RSRC1: variants seen among roughly 807,000 people sequenced by gnomAD.
RSRC1 encodes arginine and serine rich coiled-coil 1, also known as serine/Arginine-related protein 53.
A neutral mutation model predicts 49.1 loss-of-function variants in RSRC1; 39 were observed. The ratio of observed to expected loss-of-function variants is 0.79; its 90% CI spans 0.61 to 1.04. RSRC1 has a LOEUF of 1.04. Ranked by LOEUF, RSRC1 falls within the 50% of genes least tolerant of loss-of-function variation. The pLI, the probability that RSRC1 is intolerant of heterozygous loss-of-function variation, is 0.00. For synonymous variants in RSRC1, 143 were observed against 130.8 expected (o/e 1.09, Z -0.63); for missense variants, 388 against 402.4 (o/e 0.96, Z 0.31).
At chr3:158,540,120 A>C (rs1229876256) in intron 8 of RSRC1, among the ~76,000 whole-genome samples, 10 of 152,104 alleles carry the variant, frequency 6.6e-5, no homozygotes, top group Admixed American at 6.6e-4. Flanking sequence ...CGTATTTCCC[A>C]CTTGCACTTG....
At chr3:158,275,379 C>A (rs146784408) in intron 4 of RSRC1, among the ~76,000 whole-genome samples, 1 of 152,156 alleles carries the variant, frequency 6.6e-6, no homozygotes, top group Non-Finnish European at 1.5e-5. Context: ...ATTTTTAAAG[C>A]GAAGCCCAAT....
rs1553788488 is a variant in RSRC1, at chr3:158,334,649, T to TTTTG, written c.532-20207_532-20206insTTGT. Among the ~76,000 whole-genome samples, 5 of 137,536 alleles carry TTTTG rather than the reference T, an allele frequency of 3.6e-5. No homozygotes were observed. In the East Asian group the frequency reaches 6.5e-4, roughly 18 times the overall value. 90.2% of individuals were successfully genotyped at this position (137,536 alleles called of 152,430 possible). A position where few individuals can be genotyped will look rare whatever the true frequency, so the allele number is the denominator to read the frequency against. On this transcript the variant is annotated intron_variant, in intron 5 of 9. Coordinates refer to ENST00000611884, the MANE Select transcript of RSRC1 (RefSeq NM_001271838.2). ...GCACATGACACCACACCCAGCTAAT[T>TTTTG]TGTGTGTGTGTGTGTGTGTGTGTGT...
At chr3:158,196,300 TTGTC>T (rs895000988) in intron 3 of RSRC1, among the ~76,000 whole-genome samples, 33 of 150,964 alleles carry the variant, frequency 2.2e-4, no homozygotes, top group Admixed American at 2.1e-3. Flanking sequence ...GGCTCTCTGT[TTGTC>T]TGTTATTGGT....
At chr3:158,113,339 C>T (rs1044116214) in intron 1 of RSRC1, among the ~76,000 whole-genome samples, 10 of 151,508 alleles carry the variant, frequency 6.6e-5, no homozygotes, top group Admixed American at 2.0e-4. Flanking sequence ...TCCTGTCTCT[C>T]CACAGCCTTG....
At chr3:158,542,260 G>A (rs1713071609) in intron 8 of RSRC1, among the ~76,000 whole-genome samples, 1 of 152,186 alleles carries the variant, frequency 6.6e-6, no homozygotes, top group South Asian at 2.1e-4. Flanking sequence ...GCTGGGCACG[G>A]TGGCTCACGC....
intron 5 of RSRC1, among the ~76,000 whole-genome samples, chr3:158,341,247 A>G (rs959920592): frequency 2.0e-5 from 3 of 152,160 alleles, no homozygotes; most frequent in Admixed American, 2.0e-4. Flanking sequence ...CCCCAAGACC[A>G]TGGGGAAAAT....
chr3:158,440,299 A>G (rs780423682), intron 6 of RSRC1, among the ~76,000 whole-genome samples: 21 of 151,902 alleles, frequency 1.4e-4, no homozygotes, highest in Non-Finnish European at 2.4e-4. Flanking sequence ...GGAAAATGAG[A>G]TTTTCTGATT....
intron 6 of RSRC1, among the ~76,000 whole-genome samples, chr3:158,438,689 A>T (rs1368115126): frequency 2.0e-5 from 3 of 152,192 alleles, no homozygotes; most frequent in African/African-American, 7.2e-5. Context: ...TAAAGACCTA[A>T]ATGTTAGACC....
chr3:158,542,170 A>G (rs1169322952), intron 8 of RSRC1, among the ~76,000 whole-genome samples: 1 of 152,184 alleles, frequency 6.6e-6, no homozygotes, highest in Admixed American at 6.5e-5. Flanking sequence ...GATCCATACA[A>G]TGGGACATTA....
At chr3:158,282,873 TG>T (rs1045970837) in intron 4 of RSRC1, among the ~76,000 whole-genome samples, 5 of 152,132 alleles carry the variant, frequency 3.3e-5, no homozygotes, top group African/African-American at 1.2e-4. Flanking sequence ...GACAAGAACT[TG>T]GGATATGAAG....
chr3:158,270,196 C>G (rs1284649025), intron 4 of RSRC1, among the ~76,000 whole-genome samples: 3 of 152,130 alleles, frequency 2.0e-5, no homozygotes, highest in African/African-American at 7.2e-5. Context: ...TGTAGGAGAT[C>G]CATCATACTC....
At chr3:158,341,338 T>TGGGCCA (rs1730228880) in intron 5 of RSRC1, among the ~76,000 whole-genome samples, 1 of 152,034 alleles carries the variant, frequency 6.6e-6, no homozygotes, top group Non-Finnish European at 1.5e-5. Context: ...AGTGGTTTCG[T>TGGGCCA]GGGCCAGGTC....
intron 5 of RSRC1, among the ~76,000 whole-genome samples, chr3:158,324,283 G>A (rs558744874): frequency 5.9e-5 from 9 of 151,908 alleles, no homozygotes; most frequent in East Asian, 5.8e-4. Context: ...TGCACAACGT[G>A]CAGGTTTGTT....
chr3:158,523,481 G>T (rs1015163070), intron 7 of RSRC1, among the ~76,000 whole-genome samples: 2 of 151,922 alleles, frequency 1.3e-5, no homozygotes, highest in Non-Finnish European at 2.9e-5. Flanking sequence ...TGAATTAAAA[G>T]ATAAAAAATA....
intron 6 of RSRC1, among the ~76,000 whole-genome samples, chr3:158,386,482 C>A (rs1036922354): frequency 6.6e-6 from 1 of 152,032 alleles, no homozygotes; most frequent in Non-Finnish European, 1.5e-5. Context: ...AAAAAAAGCT[C>A]TTTAATAGAC....
At chr3:158,155,654 G>A (rs1474579897) in intron 3 of RSRC1, among the ~76,000 whole-genome samples, 1 of 145,846 alleles carries the variant, frequency 6.9e-6, no homozygotes, top group East Asian at 2.0e-4. Flanking sequence ...TGTTGCCCAA[G>A]CTGATCTCAA....
chr3:158,334,649 TTGTGTGTGTG>T lies in RSRC1; in HGVS notation c.532-20180_532-20171del, dbSNP rs71840277. Among the ~76,000 whole-genome samples, 79 of 137,514 alleles carry T rather than the reference TTGTGTGTGTG, an allele frequency of 5.7e-4. 1 individual carries two copies. Among genetic ancestry groups the T allele is most frequent in the Middle Eastern group, 3.6e-3 (1 of 276 alleles). The allele number at this position is 137,514 out of a possible 152,430, so 90.2% of individuals were successfully genotyped here. A position where few individuals can be genotyped will look rare whatever the true frequency, so the allele number is the denominator to read the frequency against. ...GCACATGACACCACACCCAGCTAAT[TTGTGTGTGTG>T]TGTGTGTGTGTGTGTGTGTGTGTGT... is the stretch of plus-strand genomic sequence containing the variant. On this transcript the variant is annotated intron_variant, in intron 5 of 9. Transcript: ENST00000611884.
intron 7 of RSRC1, among the ~76,000 whole-genome samples, chr3:158,482,111 C>T (rs1258284734): frequency 1.3e-5 from 2 of 151,608 alleles, no homozygotes; most frequent in Non-Finnish European, 2.9e-5. Flanking sequence ...TTTGTTTTTC[C>T]CTCAATAAAA....
intron 6 of RSRC1, among the ~76,000 whole-genome samples, chr3:158,421,746 A>C (rs1197174389): frequency 2.0e-5 from 3 of 151,900 alleles, no homozygotes; most frequent in Non-Finnish European, 2.9e-5. Context: ...CAAACACAAT[A>C]GGATGAAAAA....
Sources: allele counts gnomAD v4.1 joint callset (sites outside exome capture counted in the v4.1 genomes callset), GRCh38; gene constraint gnomAD v4.1.1; transcripts MANE v1.5; gene names NCBI Gene and HGNC (gene_info 2026-07-23, HGNC 2026-07-21).